TRPM7: variants seen among roughly 807,000 people sequenced by gnomAD.
TRPM7 encodes LTRPC ion channel family member 7.
A neutral mutation model predicts 229.7 loss-of-function variants in TRPM7; 134 were observed. The observed-to-expected ratio is 0.58, with a 90% confidence interval of 0.51 to 0.67. The LOEUF (loss-of-function observed/expected upper bound fraction) is 0.67. Among genes scored for constraint, TRPM7 ranks in the 30% least tolerant of loss-of-function variants. The probability of loss-of-function intolerance (pLI) is 0.00; values close to 1 mark genes in which losing one functional copy is unlikely to be tolerated. For missense variants in TRPM7, 1,901 were observed against 2,210.0 expected, an observed-to-expected ratio of 0.86 and a Z score of 2.80; for synonymous variants, 699 against 715.2, an observed-to-expected ratio of 0.98 and a Z score of 0.36.
intron 31 of TRPM7, 59 bp downstream of exon 31, chr15:50,578,580 T>C: frequency 1.3e-6 from 2 of 1,520,074 alleles, no homozygotes; most frequent in South Asian, 2.3e-5. Context: ...TGGTGTTTGC[T>C]GTAACAGATC....
rs34826776 is a variant in TRPM7 at position 50,587,405 on chromosome 15, C to CTTTTT, written c.4390-922_4390-918dup. 6.2e-4 allele frequency among the ~76,000 whole-genome samples: 57 copies of CTTTTT among 91,654 alleles called. 3 individuals are homozygous for CTTTTT. Among genetic ancestry groups the CTTTTT allele is most frequent in the Non-Finnish European group, 8.5e-4 (40 of 46,860 alleles). The allele number at this position is 91,654 out of a possible 152,430, so 60.1% of individuals were successfully genotyped here. A position where few individuals can be genotyped will look rare whatever the true frequency, so the allele number is the denominator to read the frequency against. ...GGCTTTACTGGCTCAATAAATACTG[C>CTTTTT]TTTTTTTTTTTTTTTTTTTGAGATG... On this transcript the variant is annotated intron_variant, in intron 27 of 38. Coordinates refer to ENST00000646667, the MANE Select transcript of TRPM7 (RefSeq NM_017672.6).
chr15:50,614,998 C>T (rs1352060723), intron 13 of TRPM7, among the ~76,000 whole-genome samples: 2 of 151,640 alleles, frequency 1.3e-5, no homozygotes, highest in Non-Finnish European at 2.9e-5. Context: ...GGAGAAACCC[C>T]GTCTCTACTA....
chr15:50,628,988 T>C lies in TRPM7; in HGVS notation c.1205-739A>G, dbSNP rs1157739636. ...CGTACCTTGGTTCTTCTTAAAATTA[T>C]ACATAAATCTCCCTTATATATACTT... On this transcript the variant is annotated intron_variant, in intron 10 of 38. Transcript: ENST00000646667. Among the ~76,000 whole-genome samples, 3 of 152,228 alleles carry C rather than the reference T, an allele frequency of 2.0e-5. No homozygotes were observed. In the East Asian group the frequency reaches 5.8e-4, roughly 29 times the overall value.
chr15:50,623,294 C>G (rs900387262), intron 12 of TRPM7, among the ~76,000 whole-genome samples: 7 of 151,958 alleles, frequency 4.6e-5, no homozygotes, highest in Admixed American at 3.3e-4. Context: ...CGCCTGTAGT[C>G]CCAGCTACCT....
At chr15:50,672,335 C>A (rs928344424) in intron 1 of TRPM7, among the ~76,000 whole-genome samples, 1 of 151,802 alleles carries the variant, frequency 6.6e-6, no homozygotes, top group Non-Finnish European at 1.5e-5. Flanking sequence ...GGATTACAGG[C>A]GTGAGCCACC....
At chr15:50,590,775 G>T (rs2059468092) in intron 26 of TRPM7, among the ~76,000 whole-genome samples, 1 of 150,668 alleles carries the variant, frequency 6.6e-6, no homozygotes, top group Non-Finnish European at 1.5e-5. Context: ...AGCGAGCCGA[G>T]ATTGTGCCAC....
intron 1 of TRPM7, among the ~76,000 whole-genome samples, chr15:50,684,656 G>C (rs548727826): frequency 2.0e-5 from 3 of 149,670 alleles, no homozygotes; most frequent in Non-Finnish European, 4.5e-5. Flanking sequence ...AAAGAAAAAA[G>C]AAAAAAAAAT....
At chr15:50,675,512 A>T (rs141736966) in intron 1 of TRPM7, among the ~76,000 whole-genome samples, 309 of 152,262 alleles carry the variant, frequency 2.0e-3, no homozygotes, top group Middle Eastern at 3.4e-3. Flanking sequence ...TTACACAGGA[A>T]TCGGCTTCAC....
At chr15:50,602,327 G>A (rs1566986981) in intron 21 of TRPM7, among the ~76,000 whole-genome samples, 1 of 152,054 alleles carries the variant, frequency 6.6e-6, no homozygotes, top group Non-Finnish European at 1.5e-5. Context: ...GGTGGGAACT[G>A]AACAACGAGA....
chr15:50,609,574 A>C lies in TRPM7; in HGVS notation c.2580+7T>G. 6.3e-7 allele frequency: 1 copy of C among 1,596,074 alleles called. No homozygotes were observed. The highest frequency in any genetic ancestry group is 1.2e-5 in the South Asian group (1 of 86,914). ...AAACATTATGCTTGTGTAATTTAAA[A>C]ACATACCGTGTTAAACCAGAATTTT... On this transcript the variant is annotated splice_region_variant and intron_variant, in intron 19 of 38. Coordinates refer to ENST00000646667, the MANE Select transcript of TRPM7 (RefSeq NM_017672.6).
At chr15:50,610,188 T>C (rs1238497789) in intron 17 of TRPM7, among the ~76,000 whole-genome samples, 1 of 152,138 alleles carries the variant, frequency 6.6e-6, no homozygotes, top group Non-Finnish European at 1.5e-5. Context: ...AACATTTGAT[T>C]ATTATGATAA....
In TRPM7 at chr15:50,626,924, GA is replaced by G. The variant is rs535236849; in HGVS notation, c.1305+1224del. ...TACTATTAACTACACAGTACATGTA[GA>G]TATGCATGAATGTTTGTACATTCAT... On this transcript the variant is annotated intron_variant, in intron 11 of 38. Coordinates refer to ENST00000646667, the MANE Select transcript of TRPM7 (RefSeq NM_017672.6). Among the ~76,000 whole-genome samples the G allele has an allele frequency of 2.9e-4, 44 of 151,706 alleles. No individual in the cohort carries two copies. In the East Asian group the frequency reaches 8.5e-3, roughly 29 times the overall value.
chr15:50,607,014 C>T (rs12439744), intron 20 of TRPM7, among the ~76,000 whole-genome samples, 186 bp downstream of exon 20: 53,131 of 151,796 alleles, frequency 0.35, 10,477 homozygotes, highest in Admixed American at 0.48. Flanking sequence ...ACAAAGTATA[C>T]AGCATACTCA....
At chr15:50,621,509 G>A (rs2060406648) in intron 12 of TRPM7, among the ~76,000 whole-genome samples, 1 of 152,178 alleles carries the variant, frequency 6.6e-6, no homozygotes, top group African/African-American at 2.4e-5. Flanking sequence ...TCCTTCAGGA[G>A]TTCCACAAGA....
At chr15:50,564,249 A>AAAATAAAAATAAAATAAAAT (rs1566927986) in intron 38 of TRPM7, among the ~76,000 whole-genome samples, 2 of 26,412 alleles carry the variant, frequency 7.6e-5, no homozygotes, top group African/African-American at 3.7e-4. Flanking sequence ...ACTGTCTCAA[A>AAAATAAAAATAAAATAAAAT]AAATAAAATA....
intron 19 of TRPM7, among the ~76,000 whole-genome samples, chr15:50,607,885 G>GAAAAA (rs758254672): frequency 1.8e-5 from 2 of 109,268 alleles, no homozygotes. Flanking sequence ...CATCTCTACT[G>GAAAAA]AAAAAAAAAA....
intron 19 of TRPM7, among the ~76,000 whole-genome samples, chr15:50,608,145 G>T (rs1204051493): frequency 6.6e-6 from 1 of 151,882 alleles, no homozygotes; most frequent in African/African-American, 2.4e-5. Flanking sequence ...TTAGCTCCCA[G>T]TCACTAAAGT....
intron 31 of TRPM7, among the ~76,000 whole-genome samples, chr15:50,577,363 C>T (rs1366186409): frequency 6.6e-6 from 1 of 152,054 alleles, no homozygotes; most frequent in East Asian, 1.9e-4. Flanking sequence ...GCCTGGCCAA[C>T]GTGGTGAAAT....
chr15:50,569,897 A>C lies in TRPM7; in HGVS notation c.5457T>G (p.Leu1819=), dbSNP rs2053787102. The C allele has an allele frequency of 6.2e-7, 1 of 1,600,222 alleles. No individual in the cohort carries two copies. The highest frequency in any genetic ancestry group is 1.8e-5 in the Admixed American group (1 of 56,648). Reference sequence around the variant, plus strand: ...TAAGAAATTTTTTACCTGGAAGTTTAAGCTTTCTACAGCAAGAATTACAGT... The same window carrying C: ...TAAGAAATTTTTTACCTGGAAGTTTCAGCTTTCTACAGCAAGAATTACAGT... ...KHHCNSCCRK[L]KLPDLKRNDY... The change falls in exon 38 of 39, where the codon CTT becomes CTG. Residue 1819 remains leucine (L), a synonymous_variant. Transcript: ENST00000646667.
Sources: allele counts gnomAD v4.1 joint callset (sites outside exome capture counted in the v4.1 genomes callset), GRCh38; gene constraint gnomAD v4.1.1; transcripts MANE v1.5; gene names NCBI Gene and HGNC (gene_info 2026-07-23, HGNC 2026-07-21).